The following ATP13A4 variants were observed in gnomAD, a reference collection of about 807,000 sequenced individuals.
ATP13A4 encodes the protein probable cation-transporting ATPase 13A4.
In ATP13A4, 114 loss-of-function variants were observed where a neutral mutation model predicts 142.5. That is an observed-to-expected ratio of 0.80 (90% CI 0.69 to 0.93). ATP13A4 has a LOEUF of 0.93. Ranked by LOEUF, ATP13A4 falls within the 40% of genes least tolerant of loss-of-function variation. The pLI is 0.00. For synonymous variants in ATP13A4, 488 were observed against 514.8 expected (o/e 0.95, Z 0.70); for missense variants, 1,392 against 1,454.0 (o/e 0.96, Z 0.69).
chr3:193,531,319 G>GGAGGGAAGGAAGTGA (rs1389639393), intron 1 of ATP13A4, among the ~76,000 whole-genome samples: 1 of 123,468 alleles, frequency 8.1e-6, no homozygotes. Context: ...AGGAAGGAAG[G>GGAGGGAAGGAAGTGA]AAGGAAGGAA....
intron 6 of ATP13A4, among the ~76,000 whole-genome samples, chr3:193,491,017 T>C (rs372562757): frequency 1.6e-4 from 24 of 152,066 alleles, no homozygotes; most frequent in East Asian, 5.8e-4. Flanking sequence ...TTAAAAAAAA[T>C]TGAGTTTCAT....
At position 193,489,824 on chromosome 3, in the gene ATP13A4, C is replaced by T. The variant is rs2108663453; in HGVS notation, c.644G>A (p.Cys215Tyr). 4.3e-6 allele frequency: 7 copies of T among 1,612,110 alleles called. No homozygotes were observed. In the East Asian group the frequency reaches 1.6e-4, roughly 36 times the overall value. Residue 215 changes from cysteine (C) to tyrosine (Y), a missense_variant, in exon 7 of 30, where the codon TGT becomes TAT. Transcript: ENST00000342695. ...PFYIFQLFSV[C>Y]LWFSEDYKEY... ...CTTATAGTCTTCACTAAACCACAAA[C>T]AGACACTGAAGAGTTGAAATATATA... is the stretch of plus-strand genomic sequence containing the variant.
intron 1 of ATP13A4, among the ~76,000 whole-genome samples, chr3:193,583,981 T>C (rs1026456796): frequency 1.1e-4 from 17 of 152,174 alleles, no homozygotes; most frequent in Non-Finnish European, 7.4e-5. Flanking sequence ...CTGGATAAAC[T>C]GATTCTTTCC....
intron 1 of ATP13A4, among the ~76,000 whole-genome samples, chr3:193,583,459 A>G (rs1465112847): frequency 6.6e-6 from 1 of 152,020 alleles, no homozygotes; most frequent in African/African-American, 2.4e-5. Context: ...TAAATAAATA[A>G]ATAGTAAGAT....
intron 1 of ATP13A4, among the ~76,000 whole-genome samples, chr3:193,547,321 T>C (rs1418959754): frequency 6.6e-6 from 1 of 152,218 alleles, no homozygotes; most frequent in African/African-American, 2.4e-5. Flanking sequence ...TACTCTCTGC[T>C]TCAAAACTTC....
rs1162667667 is a variant in ATP13A4 at position 193,400,832 on chromosome 3, G to A, written c.*1820C>T. Among the ~76,000 whole-genome samples the A allele has an allele frequency of 6.6e-6, 1 of 152,152 alleles. No individual in the cohort carries two copies. The highest frequency in any genetic ancestry group is 1.5e-5 in the Non-Finnish European group (1 of 68,028). Reference sequence around the variant, plus strand: ...CTAGGTCACAGACCATCTCTAGCTTGCCCCTGCCTACAACCCTCTACTTTT... The same window carrying A: ...CTAGGTCACAGACCATCTCTAGCTTACCCCTGCCTACAACCCTCTACTTTT... On this transcript the variant is annotated 3_prime_UTR_variant, in exon 30 of 30. Transcript: ENST00000342695.
chr3:193,580,732 C>T (rs1312306925), intron 2 of ATP13A4, among the ~76,000 whole-genome samples: 1 of 152,024 alleles, frequency 6.6e-6, no homozygotes, highest in Non-Finnish European at 1.5e-5. Context: ...AACCTCAGAA[C>T]CGGTGAGCGG....
At chr3:193,493,727 G>C (rs956402479) in intron 3 of ATP13A4, among the ~76,000 whole-genome samples, 4 of 152,068 alleles carry the variant, frequency 2.6e-5, no homozygotes, top group Admixed American at 6.6e-5. Context: ...AATGAAGCTA[G>C]AAAGGTAAAC....
chr3:193,486,066 A>C (rs1388796651), intron 7 of ATP13A4, among the ~76,000 whole-genome samples: 1 of 149,784 alleles, frequency 6.7e-6, no homozygotes, highest in Admixed American at 6.7e-5. Context: ...TGTATATATA[A>C]ATATGTTATT....
chr3:193,411,975 G>A (rs1714787074), intron 27 of ATP13A4, among the ~76,000 whole-genome samples: 1 of 152,200 alleles, frequency 6.6e-6, no homozygotes, highest in South Asian at 2.1e-4. Flanking sequence ...GGAGAAAGAA[G>A]CCCTAGTATT....
chr3:193,526,456 G>T (rs932429868), intron 1 of ATP13A4, among the ~76,000 whole-genome samples: 2 of 152,076 alleles, frequency 1.3e-5, no homozygotes, highest in African/African-American at 4.8e-5. Context: ...CCTGTTGCAG[G>T]GTGGGGAGCA....
chr3:193,417,861 G>A (rs1026577695), intron 25 of ATP13A4, among the ~76,000 whole-genome samples: 13 of 147,748 alleles, frequency 8.8e-5, no homozygotes, highest in Admixed American at 3.5e-4. Flanking sequence ...GGTGGCTCAC[G>A]CCTGTAATCC....
At chr3:193,554,961 C>T, upstream of ATP13A4, 2 of 1,556,720 alleles carry the variant, frequency 1.3e-6, no homozygotes. Flanking sequence ...CAACAAATGA[C>T]AATACTTGGC....
intron 1 of ATP13A4, among the ~76,000 whole-genome samples, chr3:193,539,524 G>T (rs985480738): frequency 3.3e-5 from 5 of 152,188 alleles, no homozygotes; most frequent in African/African-American, 1.2e-4. Context: ...TTTCTGGAGG[G>T]CTCAAGAATC....
chr3:193,447,197 A>G (rs1208974810), intron 18 of ATP13A4, among the ~76,000 whole-genome samples: 1 of 152,224 alleles, frequency 6.6e-6, no homozygotes, highest in African/African-American at 2.4e-5. Context: ...TAAGTGCTAA[A>G]TAAAGATTTT....
intron 29 of ATP13A4, among the ~76,000 whole-genome samples, chr3:193,403,578 C>A (rs1714353696): frequency 6.6e-6 from 1 of 152,220 alleles, no homozygotes. Context: ...TGGTCCTGTT[C>A]ACACATGCCT....
intron 1 of ATP13A4, among the ~76,000 whole-genome samples, chr3:193,544,172 CA>C (rs1314192273): frequency 6.6e-6 from 1 of 152,128 alleles, no homozygotes; most frequent in African/African-American, 2.4e-5. Context: ...TAGTAACTGA[CA>C]AAGGCCAATT....
chr3:193,564,042 T>C (rs969047408), intron 2 of ATP13A4, among the ~76,000 whole-genome samples: 1 of 152,256 alleles, frequency 6.6e-6, no homozygotes, highest in East Asian at 1.9e-4. Flanking sequence ...ATTATATTCA[T>C]CTTTCTTATT....
At chr3:193,553,982 A>G (rs934864014) in intron 1 of ATP13A4, among the ~76,000 whole-genome samples, 1 of 152,206 alleles carries the variant, frequency 6.6e-6, no homozygotes, top group Non-Finnish European at 1.5e-5. Flanking sequence ...TGCTTACACA[A>G]TTAGCAGAAA....
Sources: allele counts gnomAD v4.1 joint callset (sites outside exome capture counted in the v4.1 genomes callset), GRCh38; gene constraint gnomAD v4.1.1; transcripts MANE v1.5; gene names NCBI Gene and HGNC (gene_info 2026-07-23, HGNC 2026-07-21).